Variants in MCPH1 observed in about 807,000 individuals in gnomAD.
MCPH1 encodes microcephalin.
A neutral mutation model predicts 84.5 loss-of-function variants in MCPH1; 104 were observed. The ratio of observed to expected loss-of-function variants is 1.23; its 90% CI spans 1.05 to 1.45. The LOEUF (loss-of-function observed/expected upper bound fraction) is 1.45. MCPH1 is among the 40% of genes most tolerant of loss of function. The probability of loss-of-function intolerance (pLI) is 0.00; values close to 1 mark genes in which losing one functional copy is unlikely to be tolerated. For synonymous variants in MCPH1, 514 were observed against 366.8 expected (o/e 1.40, Z -4.58); for missense variants, 1,498 against 1,005.7 (o/e 1.49, Z -6.62).
chr8:6,543,679 C>T (rs749153088), intron 12 of MCPH1, among the ~76,000 whole-genome samples: 9 of 152,062 alleles, frequency 5.9e-5, no homozygotes, highest in Admixed American at 2.0e-4. Context: ...CGCTGAAGTT[C>T]GTGCTTTTCT....
chr8:6,454,117 T>G (rs1323579881), intron 8 of MCPH1, among the ~76,000 whole-genome samples: 2 of 152,242 alleles, frequency 1.3e-5, no homozygotes, highest in Admixed American at 1.3e-4. Flanking sequence ...AAAGAAGTCT[T>G]TCTCATGTTA....
intron 12 of MCPH1, among the ~76,000 whole-genome samples, chr8:6,525,166 C>A (rs1241263809): frequency 6.6e-6 from 1 of 152,214 alleles, no homozygotes; most frequent in Non-Finnish European, 1.5e-5. Context: ...CATTACATAT[C>A]TCGCCCATAA....
At chr8:6,626,958 T>C in intron 13 of MCPH1, 1 of 984,198 alleles carries the variant, frequency 1.0e-6, no homozygotes, top group Non-Finnish European at 1.2e-6. Context: ...TGTGGGAACA[T>C]AATGTAATAT....
intron 9 of MCPH1, among the ~76,000 whole-genome samples, chr8:6,474,464 CA>C (rs35687711): frequency 1.9e-4 from 28 of 148,026 alleles, no homozygotes; most frequent in African/African-American, 4.2e-4. Flanking sequence ...TTGCTGTCTC[CA>C]AAAAAAAAAT....
intron 12 of MCPH1, among the ~76,000 whole-genome samples, chr8:6,556,382 G>A (rs1430722469): frequency 6.6e-6 from 1 of 152,086 alleles, no homozygotes; most frequent in African/African-American, 2.4e-5. Context: ...CAACCATTGA[G>A]AAATAGTTCT....
At chr8:6,640,118 G>GCT (rs554927212) in intron 13 of MCPH1, among the ~76,000 whole-genome samples, 1 of 150,290 alleles carries the variant, frequency 6.7e-6, no homozygotes, top group African/African-American at 2.5e-5. Flanking sequence ...GTGTGTGTGT[G>GCT]TGCGTGTGTG....
chr8:6,476,642 G>T (rs1310171978), intron 9 of MCPH1, among the ~76,000 whole-genome samples: 1 of 152,092 alleles, frequency 6.6e-6, no homozygotes, highest in Non-Finnish European at 1.5e-5. Context: ...TAAACCAGCA[G>T]TCCTTCCCCA....
At chr8:6,437,297 C>A (rs1483468981) in intron 5 of MCPH1, among the ~76,000 whole-genome samples, 1 of 152,002 alleles carries the variant, frequency 6.6e-6, no homozygotes, top group East Asian at 1.9e-4. Context: ...GTGGTGCGAT[C>A]TTGGCTCACT....
chr8:6,637,633 G>T lies in MCPH1; in HGVS notation c.2453-5361G>T, dbSNP rs372143724. Among the ~76,000 whole-genome samples, 94 of 152,268 alleles carry T rather than the reference G, an allele frequency of 6.2e-4. 2 individuals carry two copies. In the South Asian group the frequency reaches 0.019, roughly 31 times the overall value. On this transcript the variant is annotated intron_variant, in intron 13 of 13. Transcript: ENST00000344683. The stretch of plus-strand genomic sequence containing the variant: ...TTTTAAGTGGGAGGATTAGGCTGCG[G>T]TATATGTTTGTTTACTCTGTTTGTG...
chr8:6,535,803 T>G lies in MCPH1; in HGVS notation c.2214+35874T>G, dbSNP rs554454636. Among the ~76,000 whole-genome samples the G allele has an allele frequency of 3.9e-5, 6 of 152,200 alleles. No homozygotes were observed. In the South Asian group the frequency reaches 1.2e-3, roughly 32 times the overall value. On this transcript the variant is annotated intron_variant, in intron 12 of 13. Coordinates refer to ENST00000344683, the MANE Select transcript of MCPH1 (RefSeq NM_024596.5). ...TGGCTCATGCCTGTAATCCCAGCAC[T>G]TTGGGAGGCCGAGGCAGGAGGATTG...
chr8:6,524,680 A>G (rs1006369709), intron 12 of MCPH1, among the ~76,000 whole-genome samples: 11 of 152,252 alleles, frequency 7.2e-5, no homozygotes, highest in African/African-American at 2.7e-4. Flanking sequence ...GCCTGCGGAA[A>G]TTTAGATGTT....
intron 3 of MCPH1, among the ~76,000 whole-genome samples, chr8:6,423,799 T>G (rs1403133003): frequency 6.6e-6 from 1 of 152,214 alleles, no homozygotes. Context: ...CTGGTTTCCA[T>G]TCTCACTGGA....
At position 6,643,180 on chromosome 8, in the gene MCPH1, T is replaced by C; in HGVS notation, c.*131T>C. The C allele has an allele frequency of 3.7e-6, 3 of 805,880 alleles. No homozygotes were observed. Among genetic ancestry groups the C allele is most frequent in the East Asian group, 2.6e-5 (1 of 38,010 alleles). 49.9% of individuals were successfully genotyped at this position (805,880 alleles called of 1,614,324 possible). ...ATGACTTCTGATATCATGTTTGCCA[T>C]GTGTTGTGGTTCTTAAGAACTCATA... is the stretch of plus-strand genomic sequence containing the variant. On this transcript the variant is annotated 3_prime_UTR_variant, in exon 14 of 14. Transcript: ENST00000344683.
intron 12 of MCPH1, among the ~76,000 whole-genome samples, chr8:6,598,332 T>C (rs1291922848): frequency 1.3e-5 from 2 of 151,862 alleles, no homozygotes; most frequent in Admixed American, 6.6e-5. Context: ...ACAGAACTCA[T>C]GCAGGGAGGG....
intron 13 of MCPH1, chr8:6,626,853 G>T (rs974068535): frequency 1.4e-5 from 14 of 984,942 alleles, no homozygotes; most frequent in Non-Finnish European, 1.4e-5. Context: ...ATCACGAAAG[G>T]CTGGCTTGGC....
chr8:6,466,488 C>T (rs1274266998), intron 9 of MCPH1, among the ~76,000 whole-genome samples: 3 of 152,060 alleles, frequency 2.0e-5, no homozygotes, highest in Non-Finnish European at 1.5e-5. Context: ...TTTGTATTTT[C>T]GGTAGCAACG....
In MCPH1 at chr8:6,646,462, G is replaced by A. The variant is rs1798219935; in HGVS notation, c.*3413G>A. ...TTCAGGTATAAATCTTCATATTTAT[G>A]GCTGATTGACTTTGAACAAAGGTGA... On this transcript the variant is annotated 3_prime_UTR_variant, in exon 14 of 14. Transcript: ENST00000344683. The A allele has an allele frequency of 6.6e-6, 1 of 152,152 alleles. No individual in the cohort carries two copies. 9.4% of individuals were successfully genotyped at this position (152,152 alleles called of 1,614,324 possible).
At chr8:6,511,766 G>T (rs1815152867) in intron 12 of MCPH1, among the ~76,000 whole-genome samples, 1 of 152,032 alleles carries the variant, frequency 6.6e-6, no homozygotes, top group Non-Finnish European at 1.5e-5. Context: ...AAAATTGATT[G>T]CATTTCTAAA....
chr8:6,576,067 A>AGG (rs57080284), intron 12 of MCPH1, among the ~76,000 whole-genome samples: 2,481 of 149,688 alleles, frequency 0.017, 31 homozygotes, highest in Middle Eastern at 0.035. Context: ...AAAAAAAAAA[A>AGG]AGTAATAGGA....
Sources: gnomAD v4.1 joint callset for allele counts (sites outside exome capture counted in the v4.1 genomes callset) on GRCh38, gnomAD v4.1.1 for gene constraint, MANE v1.5 for transcripts, NCBI Gene and HGNC (gene_info 2026-07-23, HGNC 2026-07-21) for gene names.